RBM47: variants seen among roughly 807,000 people sequenced by gnomAD.
The protein encoded by RBM47 is RNA-binding protein 47.
Under a neutral mutation model 47.1 loss-of-function variants are expected in RBM47, and 21 were observed. That is an observed-to-expected ratio of 0.45 (90% CI 0.32 to 0.64). The LOEUF is 0.64. RBM47 is among the 30% of genes least tolerant of loss of function. The pLI, the probability that RBM47 is intolerant of heterozygous loss-of-function variation, is 0.05. For synonymous variants in RBM47, 375 were observed against 361.7 expected (o/e 1.04, Z -0.42); for missense variants, 708 against 870.9 (o/e 0.81, Z 2.35).
At chr4:40,488,606 A>C (rs1721446861) in intron 2 of RBM47, among the ~76,000 whole-genome samples, 1 of 152,198 alleles carries the variant, frequency 6.6e-6, no homozygotes, top group African/African-American at 2.4e-5. Context: ...ACCGCAAGTG[A>C]GAAGTGTATC....
intron 1 of RBM47, among the ~76,000 whole-genome samples, chr4:40,577,827 G>A (rs1009855861): frequency 6.6e-5 from 10 of 152,186 alleles, no homozygotes; most frequent in African/African-American, 2.4e-4. Flanking sequence ...ACTCCCTGGT[G>A]AAGAAACCAA....
At chr4:40,502,851 A>G (rs1723560859) in intron 2 of RBM47, among the ~76,000 whole-genome samples, 1 of 151,906 alleles carries the variant, frequency 6.6e-6, no homozygotes, top group South Asian at 2.1e-4. Context: ...TGTCCGAAAA[A>G]AAAGACGGCT....
intron 1 of RBM47, among the ~76,000 whole-genome samples, chr4:40,615,679 G>A (rs1036722104): frequency 1.3e-5 from 2 of 152,108 alleles, no homozygotes; most frequent in Admixed American, 6.6e-5. Flanking sequence ...TACTAGGGAG[G>A]CTGAGGCAGG....
At chr4:40,447,859 A>C (rs1714775508) in intron 3 of RBM47, among the ~76,000 whole-genome samples, 1 of 152,158 alleles carries the variant, frequency 6.6e-6, no homozygotes, top group African/African-American at 2.4e-5. Context: ...AAATACAAAA[A>C]AATTAGCCGG....
At chr4:40,560,585 C>G (rs1292307196) in intron 1 of RBM47, among the ~76,000 whole-genome samples, 1 of 152,250 alleles carries the variant, frequency 6.6e-6, no homozygotes, top group Non-Finnish European at 1.5e-5. Context: ...CCGACCCTCT[C>G]CTGCCTAGTC....
chr4:40,424,843 A>G lies in RBM47; in HGVS notation c.*1061T>C, dbSNP rs927807842. ...TCATACTTCAAAAATGAATAAAAGC[A>G]TTAGAAATGGCATTAAAGTTTTACA... On this transcript the variant is annotated 3_prime_UTR_variant, in exon 7 of 7. Transcript: ENST00000295971. 1 of 152,218 alleles carries G rather than the reference A, an allele frequency of 6.6e-6. No individual in the cohort carries two copies. The allele number at this position is 152,218 out of a possible 1,614,324, so 9.4% of individuals were successfully genotyped here. A position where few individuals can be genotyped will look rare whatever the true frequency, so the allele number is the denominator to read the frequency against.
chr4:40,589,574 T>A (rs1368520714), intron 1 of RBM47, among the ~76,000 whole-genome samples: 1 of 152,020 alleles, frequency 6.6e-6, no homozygotes, highest in Non-Finnish European at 1.5e-5. Flanking sequence ...GTAGCTGGGA[T>A]TACGAGCACA....
intron 1 of RBM47, among the ~76,000 whole-genome samples, chr4:40,621,721 T>C (rs763587668): frequency 6.6e-6 from 1 of 152,246 alleles, no homozygotes; most frequent in African/African-American, 2.4e-5. Flanking sequence ...CTGTAGGGCA[T>C]GCGATTCACA....
intron 1 of RBM47, among the ~76,000 whole-genome samples, chr4:40,558,541 A>G (rs2154265952): frequency 6.6e-6 from 1 of 150,546 alleles, no homozygotes; most frequent in Middle Eastern, 3.4e-3. Flanking sequence ...AAAAAAAAAA[A>G]AATGGGCCAG....
At chr4:40,450,761 G>A (rs995716691) in intron 3 of RBM47, among the ~76,000 whole-genome samples, 1 of 152,096 alleles carries the variant, frequency 6.6e-6, no homozygotes, top group Non-Finnish European at 1.5e-5. Context: ...GCTGTCTTGT[G>A]TGTTTTCAGA....
intron 3 of RBM47, among the ~76,000 whole-genome samples, chr4:40,458,590 G>A (rs1294453115): frequency 6.6e-6 from 1 of 152,162 alleles, no homozygotes; most frequent in East Asian, 1.9e-4. Flanking sequence ...TATGACCATA[G>A]TAGGCTGTTT....
chr4:40,606,570 T>A (rs1735777680), intron 1 of RBM47, among the ~76,000 whole-genome samples: 1 of 152,152 alleles, frequency 6.6e-6, no homozygotes, highest in African/African-American at 2.4e-5. Flanking sequence ...GCCCCTGCTC[T>A]GCAGCACAGC....
intron 3 of RBM47, among the ~76,000 whole-genome samples, chr4:40,466,265 CAAAAAAAA>C (rs55805915): frequency 1.1e-5 from 1 of 91,664 alleles, no homozygotes; most frequent in Admixed American, 1.2e-4. Flanking sequence ...GAGACTGTCT[CAAAAAAAA>C]AAAAAAAAAA....
intron 2 of RBM47, among the ~76,000 whole-genome samples, chr4:40,517,009 C>A (rs1463086924): frequency 6.6e-6 from 1 of 152,192 alleles, no homozygotes; most frequent in African/African-American, 2.4e-5. Context: ...ACTCCTATCA[C>A]AGAAGTCTTT....
chr4:40,564,110 T>A (rs956195274), intron 1 of RBM47, among the ~76,000 whole-genome samples: 2 of 152,186 alleles, frequency 1.3e-5, no homozygotes, highest in African/African-American at 4.8e-5. Flanking sequence ...GTCACCACCT[T>A]CCATGGAAGC....
intron 2 of RBM47, among the ~76,000 whole-genome samples, chr4:40,523,035 G>C (rs1025870726): frequency 1.4e-5 from 2 of 146,872 alleles, no homozygotes; most frequent in Non-Finnish European, 3.0e-5. Flanking sequence ...GTATGATCTC[G>C]GCTCACTGCA....
At chr4:40,603,760 C>A (rs1735491078) in intron 1 of RBM47, among the ~76,000 whole-genome samples, 1 of 152,150 alleles carries the variant, frequency 6.6e-6, no homozygotes, top group African/African-American at 2.4e-5. Flanking sequence ...CACCACCACA[C>A]CCAGCTAATT....
At chr4:40,516,271 T>C (rs1283848754) in intron 2 of RBM47, among the ~76,000 whole-genome samples, 1 of 149,576 alleles carries the variant, frequency 6.7e-6, no homozygotes, top group Non-Finnish European at 1.5e-5. Context: ...CTTTTTTTTT[T>C]TTTTTTTGAG....
At chr4:40,556,605 G>A (rs1230129867) in intron 1 of RBM47, among the ~76,000 whole-genome samples, 1 of 152,096 alleles carries the variant, frequency 6.6e-6, no homozygotes, top group Non-Finnish European at 1.5e-5. Flanking sequence ...ATTATACTAT[G>A]AGGGCCAGAC....
Sources: allele counts gnomAD v4.1 joint callset (sites outside exome capture counted in the v4.1 genomes callset), GRCh38; gene constraint gnomAD v4.1.1; transcripts MANE v1.5; gene names NCBI Gene and HGNC (gene_info 2026-07-23, HGNC 2026-07-21).